Variants in ACAN observed in about 807,000 individuals in gnomAD.
ACAN encodes the protein aggrecan.
In ACAN, 47 loss-of-function variants were observed where a neutral mutation model predicts 169.1. That is an observed-to-expected ratio of 0.28 (90% CI 0.22 to 0.35). ACAN has a LOEUF of 0.35. Among genes scored for constraint, ACAN ranks in the 10% least tolerant of loss-of-function variants. The probability of loss-of-function intolerance (pLI) is 1.00; values close to 1 mark genes in which losing one functional copy is unlikely to be tolerated. For synonymous variants in ACAN, 1,115 were observed against 1,112.2 expected (o/e 1.00, Z -0.05); for missense variants, 2,716 against 2,759.9 (o/e 0.98, Z 0.36).
rs749818585 is a variant in ACAN at position 88,857,701 on chromosome 15, G to A, written c.5116G>A (p.Ala1706Thr). ...PSSELDISGR[A>T]SGLPSGTELS... ...CAGTGAGCTGGACATTAGTGGGAGA[G>A]CTAGTGGACTCCCTTCAGGAACTGA... Residue 1706 changes from alanine to threonine, a missense_variant, in exon 12 of 19, where the codon GCT (alanine) becomes ACT (threonine). Ala to Thr is a moderately conservative substitution (Grantham distance 58). Around this residue, in one of 3 missense-constraint regions of ACAN, gnomAD observed 1,389 missense variants for 1,363.7 expected, o/e 1.02. Coordinates refer to ENST00000560601, the MANE Select transcript of ACAN (RefSeq NM_001369268.1). 19 of 1,613,920 alleles carry A rather than the reference G, an allele frequency of 1.2e-5. No individual in the cohort carries two copies. The South Asian group carries it at 2.1e-4, about 18-fold the overall frequency.
At chr15:88,811,749 G>A (rs1468948330) in intron 1 of ACAN, among the ~76,000 whole-genome samples, 2 of 152,106 alleles carry the variant, frequency 1.3e-5, no homozygotes, top group African/African-American at 4.8e-5. Flanking sequence ...CAGTCCCCTG[G>A]AAGACTTGGA....
rs556855968 is a variant in ACAN, at chr15:88,833,220, CACAG to C, written c.-7-2976_-7-2973del. On this transcript the variant is annotated intron_variant, in intron 1 of 18. Transcript: ENST00000560601. ...ACCTGGACACATGCACGCATGCTCA[CACAG>C]ACACATAGCCTCAGCTCAAGCTAAA... Among the ~76,000 whole-genome samples the C allele has an allele frequency of 2.4e-4, 36 of 152,320 alleles. No homozygotes were observed. In the South Asian group the frequency reaches 4.3e-3, roughly 18 times the overall value.
rs1450725139 is a variant in ACAN, at chr15:88,839,284, C to T, written c.454+238C>T. 6.6e-6 allele frequency among the ~76,000 whole-genome samples: 1 copy of T among 152,224 alleles called. No individual in the cohort carries two copies. Among genetic ancestry groups the T allele is most frequent in the Admixed American group, 6.5e-5 (1 of 15,278 alleles). ...CACAGGTAACTGACAGTTTGTGCTTCCCAAGAATCCTGTGATCCGGTGGGT... is the reference window on the plus strand; with the variant it reads ...CACAGGTAACTGACAGTTTGTGCTTTCCAAGAATCCTGTGATCCGGTGGGT... On this transcript the variant is annotated intron_variant, in intron 3 of 18. Coordinates refer to ENST00000560601, the MANE Select transcript of ACAN (RefSeq NM_001369268.1). This position sits in a 1 kb window ranked among gnomAD's most constrained non-coding sequence, Gnocchi z 4.5.
chr15:88,837,437 A>G (rs1282794388), intron 2 of ACAN, among the ~76,000 whole-genome samples: 1 of 152,234 alleles, frequency 6.6e-6, no homozygotes, highest in Non-Finnish European at 1.5e-5. Context: ...GGCCTGATTT[A>G]CAACTTTTGC....
Position 88,855,147 on chromosome 15 carries a change from G to T in ACAN, c.2562G>T (p.Leu854=), listed in dbSNP as rs1409649628. 12 of 1,609,128 alleles carry T rather than the reference G, an allele frequency of 7.5e-6. No individual in the cohort carries two copies. The highest frequency in any genetic ancestry group is 4.4e-5 in the South Asian group (4 of 90,592). The change falls in exon 12 of 19, where the codon CTG becomes CTT. Residue 854 remains leucine (L), a synonymous_variant. Transcript: ENST00000560601. ...CCCCCGTGCCCAGCTGGACTGAGCTGCCCAGCTCTGGGGAGGAATCTGGGG... is the reference window on the plus strand; with the variant it reads ...CCCCCGTGCCCAGCTGGACTGAGCTTCCCAGCTCTGGGGAGGAATCTGGGG... ...PSPPVPSWTE[L]PSSGEESGAP...
intron 1 of ACAN, among the ~76,000 whole-genome samples, chr15:88,808,741 A>T (rs897430907): frequency 2.6e-5 from 4 of 152,178 alleles, no homozygotes; most frequent in Admixed American, 6.5e-5. Context: ...TCTGGCCCAA[A>T]ATGTCAATAG....
In ACAN at chr15:88,838,692, C is replaced by T. The variant is rs550784997; in HGVS notation, c.100C>T (p.Pro34Ser). 14 of 1,597,124 alleles carry T rather than the reference C, an allele frequency of 8.8e-6. No homozygotes were observed. In the East Asian group the frequency reaches 1.8e-4, roughly 20 times the overall value. Residue 34 changes from proline to serine, a missense_variant, in exon 3 of 19, where the codon CCC becomes TCC. Around this residue, in one of 3 missense-constraint regions of ACAN, gnomAD observed 1,283 missense variants for 1,281.5 expected, o/e 1.00. Coordinates refer to ENST00000560601, the MANE Select transcript of ACAN (RefSeq NM_001369268.1). The surrounding 1 kb of genome is among the most constrained non-coding windows in gnomAD (Gnocchi z 5.1). ...TGACAACTCGCTGAGTGTCAGCATC[C>T]CCCAACCGTCCCCGCTGAGGGTCCT... ...DHDNSLSVSI[P>S]QPSPLRVLLG...
chr15:88,844,673 A>G (rs11630187), intron 6 of ACAN, among the ~76,000 whole-genome samples: 117,158 of 152,108 alleles, frequency 0.77, 45,804 homozygotes, highest in African/African-American at 0.87. Context: ...ACGCCCGGCC[A>G]CAAAATGTTA....
At position 88,838,757 on chromosome 15, in the gene ACAN, C is replaced by T. The variant is rs1043116010; in HGVS notation, c.165C>T (p.Asp55=). ...TCACCATCCCCTGCTATTTCATCGA[C>T]CCCATGCACCCTGTGACCACCGCCC... ...TSLTIPCYFI[D]PMHPVTTAPS... Residue 55 remains aspartate, a synonymous_variant, in exon 3 of 19, where the codon GAC becomes GAT. Transcript: ENST00000560601. This position sits in a 1 kb window ranked among gnomAD's most constrained non-coding sequence, Gnocchi z 5.1. The T allele has an allele frequency of 8.1e-6, 13 of 1,613,782 alleles. No homozygotes were observed. Among genetic ancestry groups the T allele is most frequent in the Admixed American group, 1.7e-5 (1 of 60,004 alleles).
chr15:88,818,824 G>T (rs569124911), intron 1 of ACAN, among the ~76,000 whole-genome samples: 1 of 152,330 alleles, frequency 6.6e-6, no homozygotes, highest in Non-Finnish European at 1.5e-5. Context: ...AAGCATTCTG[G>T]AGATGGATGG....
chr15:88,849,592 C>T lies in ACAN; in HGVS notation c.1887C>T (p.Asp629=), dbSNP rs756126577. The change falls in exon 10 of 19, where the codon GAC becomes GAT. Residue 629 remains aspartate, a synonymous_variant. Transcript: ENST00000560601. The surrounding 1 kb of genome is among the most constrained non-coding windows in gnomAD (Gnocchi z 5.1). The stretch of plus-strand genomic sequence containing the variant: ...AGTGCTATGCCGGCTGGCTGGCCGA[C>T]GGCAGCCTCCGCTACCCCATCGTCA... The part of the protein sequence containing the change: ...LDKCYAGWLA[D]GSLRYPIVTP... The T allele has an allele frequency of 9.7e-5, 156 of 1,608,066 alleles. No homozygotes were observed. The highest frequency in any genetic ancestry group is 1.1e-4 in the Non-Finnish European group (128 of 1,177,984).
In ACAN at chr15:88,858,894, G is replaced by A. The variant is rs766056972; in HGVS notation, c.6309G>A (p.Thr2103=). Residue 2103 remains threonine, a synonymous_variant, in exon 12 of 19, where the codon ACG becomes ACA. Coordinates refer to ENST00000560601, the MANE Select transcript of ACAN (RefSeq NM_001369268.1). This position sits in a 1 kb window ranked among gnomAD's most constrained non-coding sequence, Gnocchi z 4.0. ...VSSVPESSSE[T]SAYPEAGFGA... ...CAGTCCCAGAATCTAGCAGTGAGAC[G>A]TCCGCCTATCCTGAAGCTGGGTTCG... 7.5e-6 allele frequency: 12 copies of A among 1,609,420 alleles called. No individual in the cohort carries two copies. Among genetic ancestry groups the A allele is most frequent in the Admixed American group, 5.0e-5 (3 of 59,728 alleles).
chr15:88,867,098 C>G (rs1014459826), intron 13 of ACAN, among the ~76,000 whole-genome samples: 2 of 152,178 alleles, frequency 1.3e-5, no homozygotes, highest in African/African-American at 4.8e-5. Context: ...GATAAAACAG[C>G]AGGAACCTTT....
chr15:88,858,882 T>G lies in ACAN; in HGVS notation c.6297T>G (p.Ser2099=), dbSNP rs772971226. 1.2e-6 allele frequency: 2 copies of G among 1,610,334 alleles called. No homozygotes were observed. Among genetic ancestry groups the G allele is most frequent in the Non-Finnish European group, 1.7e-6 (2 of 1,177,472 alleles). The change falls in exon 12 of 19, where the codon TCT becomes TCG. Residue 2099 remains serine (S), a synonymous_variant. Transcript: ENST00000560601. This position sits in a 1 kb window ranked among gnomAD's most constrained non-coding sequence, Gnocchi z 4.0. ...TAGAAGTATCATCAGTCCCAGAATCTAGCAGTGAGACGTCCGCCTATCCTG... is the reference window on the plus strand; with the variant it reads ...TAGAAGTATCATCAGTCCCAGAATCGAGCAGTGAGACGTCCGCCTATCCTG... ...SGVEVSSVPE[S]SSETSAYPEA...
At position 88,847,389 on chromosome 15, in the gene ACAN, G is replaced by C. The variant is rs771465769; in HGVS notation, c.1576G>C (p.Ala526Pro). ...CGAAGCAGGCTATGAGCAGTGTGAC[G>C]CCGGCTGGCTGCGGGACCAGACCGT... ...AYEAGYEQCD[A>P]GWLRDQTVRY... The change falls in exon 8 of 19, where the codon GCC becomes CCC. Residue 526 changes from alanine to proline, a missense_variant. Ala to Pro is a conservative substitution (Grantham distance 27, BLOSUM62 -1). This residue lies in a region of ACAN where 1,283 missense variants were observed against 1,281.5 expected (regional missense o/e 1.00). Coordinates refer to ENST00000560601, the MANE Select transcript of ACAN (RefSeq NM_001369268.1). 6.3e-7 allele frequency: 1 copy of C among 1,584,236 alleles called. No individual in the cohort carries two copies. Among genetic ancestry groups the C allele is most frequent in the Admixed American group, 1.7e-5 (1 of 57,234 alleles).
rs367676014 is a variant in ACAN, at chr15:88,851,744, G to A, written c.2027-50G>A. ...CCCTCAAGAAGGGCCAGCCAAGGAC[G>A]GGTCACTGGTAAGAGAGGGACTCAC... On this transcript the variant is annotated intron_variant, in intron 10 of 18. Transcript: ENST00000560601. This position sits in a 1 kb window ranked among gnomAD's most constrained non-coding sequence, Gnocchi z 4.3. 4.4e-5 allele frequency: 67 copies of A among 1,508,054 alleles called. No individual in the cohort carries two copies. The highest frequency in any genetic ancestry group is 9.3e-5 in the South Asian group (7 of 74,996). 93.4% of individuals were successfully genotyped at this position (1,508,054 alleles called of 1,614,324 possible).
Position 88,861,915 on chromosome 15 carries a change from G to A in ACAN, c.6946+1476G>A, listed in dbSNP as rs1438394584. On this transcript the variant is annotated intron_variant, in intron 13 of 18. Transcript: ENST00000560601. The surrounding 1 kb of genome is among the most constrained non-coding windows in gnomAD (Gnocchi z 6.3). ...CTCTGTGATCATGTATATTTCCACA[G>A]GGCTTTTGTTCCCACGATTTCTCCC... is the stretch of plus-strand genomic sequence containing the variant. Among the ~76,000 whole-genome samples, 1 of 152,192 alleles carries A rather than the reference G, an allele frequency of 6.6e-6. No homozygotes were observed. Among genetic ancestry groups the A allele is most frequent in the Non-Finnish European group, 1.5e-5 (1 of 68,032 alleles).
In ACAN at chr15:88,847,160, T is replaced by G; in HGVS notation, c.1430-83T>G. The G allele has an allele frequency of 2.2e-6, 3 of 1,349,238 alleles. 1 individual carries two copies. The highest frequency in any genetic ancestry group is 5.3e-5 in the East Asian group (2 of 37,844). 83.6% of individuals were successfully genotyped at this position (1,349,238 alleles called of 1,614,324 possible). A position where few individuals can be genotyped will look rare whatever the true frequency, so the allele number is the denominator to read the frequency against. ...AATCCAATATGTCAGGCAGCAGGAGTTGGCCCCCCTCTGTGCCCATGGAGC... is the reference window on the plus strand; with the variant it reads ...AATCCAATATGTCAGGCAGCAGGAGGTGGCCCCCCTCTGTGCCCATGGAGC... On this transcript the variant is annotated intron_variant, in intron 7 of 18. Coordinates refer to ENST00000560601, the MANE Select transcript of ACAN (RefSeq NM_001369268.1).
At position 88,875,227 on chromosome 15, in the gene ACAN, C is replaced by T. The variant is rs911092105; in HGVS notation, c.*746C>T. ...ACTTCCTGCCCAGTGGGGGGTGCCG[C>T]CCAACCTTCTCCCCTCCCCACCCCC... On this transcript the variant is annotated 3_prime_UTR_variant, in exon 19 of 19. Coordinates refer to ENST00000560601, the MANE Select transcript of ACAN (RefSeq NM_001369268.1). The surrounding 1 kb of genome is among the most constrained non-coding windows in gnomAD (Gnocchi z 4.8). 1.3e-5 allele frequency: 2 copies of T among 152,606 alleles called. No individual in the cohort carries two copies. The highest frequency in any genetic ancestry group is 2.4e-5 in the African/African-American group (1 of 41,420). The allele number at this position is 152,606 out of a possible 1,614,324, so 9.5% of individuals were successfully genotyped here.
Sources: gnomAD v4.1 joint callset for allele counts (sites outside exome capture counted in the v4.1 genomes callset) on GRCh38, gnomAD v4.1.1 for gene constraint, gnomAD v4.1.1 regional missense constraint, Gnocchi (gnomAD v3.1) non-coding constraint, MANE v1.5 for transcripts, NCBI Gene and HGNC (gene_info 2026-07-23, HGNC 2026-07-21) for gene names.